Variants in SHLD2 observed in about 807,000 individuals in gnomAD.
SHLD2 encodes the protein shieldin complex subunit 2, also known as RINN1-REV7-interacting novel NHEJ regulator 2.
SHLD2 carries 30 observed loss-of-function variants against 73.2 expected under a neutral mutation model. The ratio of observed to expected loss-of-function variants is 0.41; its 90% confidence interval spans 0.31 to 0.56. The LOEUF is 0.56. SHLD2 is among the 20% of genes least tolerant of loss of function. The pLI, the probability that SHLD2 is intolerant of heterozygous loss-of-function variation, is 0.28. For missense variants in SHLD2, 745 were observed against 1,055.9 expected (o/e 0.71, Z 4.08); for synonymous variants, 285 against 370.1 (o/e 0.77, Z 2.64).
intron 8 of SHLD2, among the ~76,000 whole-genome samples, chr10:87,184,466 G>A (rs193008303): frequency 5.8e-4 from 88 of 152,010 alleles, no homozygotes; most frequent in African/African-American, 2.0e-3. Flanking sequence ...CTGCTGGTCT[G>A]GAATCACTCA....
chr10:87,152,102 C>G lies in SHLD2; in HGVS notation c.748C>G (p.Gln250Glu). 6.2e-7 allele frequency: 1 copy of G among 1,611,892 alleles called. No homozygotes were observed. The highest frequency in any genetic ancestry group is 8.5e-7 in the Non-Finnish European group (1 of 1,179,810). Residue 250 changes from glutamine (Q) to glutamate (E), a missense_variant, in exon 3 of 10, where the codon CAG becomes GAG. Transcript: ENST00000298786. ...TEFLSIITSS[Q>E]VAFLAQKKDK... is the part of the protein sequence containing the mutation. ...ATTTCTCAGTATAATTACCTCCAGC[C>G]AGGTTGCTTTTTTAGCTCAAAAGAA...
intron 2 of SHLD2, among the ~76,000 whole-genome samples, chr10:87,146,437 G>A (rs1317682695): frequency 6.6e-6 from 1 of 151,988 alleles, no homozygotes; most frequent in African/African-American, 2.4e-5. Context: ...GGGATTACAG[G>A]TGTGTGCCAT....
chr10:87,102,937 C>T (rs1266465098), intron 2 of SHLD2, among the ~76,000 whole-genome samples: 3 of 151,826 alleles, frequency 2.0e-5, no homozygotes, highest in Non-Finnish European at 2.9e-5. Context: ...TCTGGCTGGG[C>T]GTGGTGGCTC....
intron 2 of SHLD2, among the ~76,000 whole-genome samples, chr10:87,105,750 C>T (rs1242471303): frequency 4.6e-5 from 7 of 152,192 alleles, no homozygotes; most frequent in Admixed American, 3.3e-4. Context: ...TCACATGTAG[C>T]CATAACTAAG....
intron 8 of SHLD2, among the ~76,000 whole-genome samples, chr10:87,182,260 A>G (rs907365548): frequency 6.6e-6 from 1 of 152,230 alleles, no homozygotes; most frequent in African/African-American, 2.4e-5. Flanking sequence ...ATTTATTAGG[A>G]ATCCACGTAT....
intron 2 of SHLD2, among the ~76,000 whole-genome samples, chr10:87,113,312 G>A (rs950977531): frequency 1.2e-4 from 19 of 152,120 alleles, no homozygotes; most frequent in Non-Finnish European, 2.4e-4. Flanking sequence ...CAATAAGAGC[G>A]AAACTTTGTC....
intron 8 of SHLD2, among the ~76,000 whole-genome samples, chr10:87,185,013 C>G (rs567357088): frequency 6.6e-6 from 1 of 152,136 alleles, no homozygotes; most frequent in African/African-American, 2.4e-5. Context: ...ATCACCACAA[C>G]CAGTTAGGAC....
At chr10:87,183,101 G>A (rs1216182752) in intron 8 of SHLD2, among the ~76,000 whole-genome samples, 2 of 152,236 alleles carry the variant, frequency 1.3e-5, no homozygotes, top group Non-Finnish European at 2.9e-5. Context: ...GATGATGGTG[G>A]CTTGACTAGA....
chr10:87,176,214 C>G, intron 7 of SHLD2, 119 bp downstream of exon 7: 1 of 1,296,286 alleles, frequency 7.7e-7, no homozygotes, highest in South Asian at 1.4e-5. Flanking sequence ...CTCCACCTCC[C>G]AGGTTTAAGT....
rs200905992 is a variant in SHLD2, at chr10:87,141,337, GTTTTTT to G, written c.-5-10001_-5-9996del. On this transcript the variant is annotated intron_variant, in intron 2 of 9. Coordinates refer to ENST00000298786, the MANE Select transcript of SHLD2 (RefSeq NM_001330112.2). Reference sequence around the variant, plus strand: ...GAAGAAATAAATTCTGGTGTTCGGTGTTTTTTTTTTTTTTTTTCTGAGATGGAGTTT... The same window carrying G: ...GAAGAAATAAATTCTGGTGTTCGGTGTTTTTTTTTTTCTGAGATGGAGTTT... 6.7e-3 allele frequency among the ~76,000 whole-genome samples: 903 copies of G among 135,720 alleles called. 11 individuals are homozygous for G. The highest frequency in any genetic ancestry group is 0.023 in the African/African-American group (863 of 37,052). 89.0% of individuals were successfully genotyped at this position (135,720 alleles called of 152,430 possible). A position where few individuals can be genotyped will look rare whatever the true frequency, so the allele number is the denominator to read the frequency against.
At chr10:87,113,016 T>A (rs1843025341) in intron 2 of SHLD2, among the ~76,000 whole-genome samples, 1 of 152,138 alleles carries the variant, frequency 6.6e-6, no homozygotes, top group Non-Finnish European at 1.5e-5. Flanking sequence ...GTAGATCAGC[T>A]GATGAATGGA....
At chr10:87,109,495 C>T (rs555825652) in intron 2 of SHLD2, among the ~76,000 whole-genome samples, 3 of 152,186 alleles carry the variant, frequency 2.0e-5, no homozygotes, top group Admixed American at 6.5e-5. Flanking sequence ...GACAGTGTTT[C>T]GCCATGTTGG....
At chr10:87,106,920 T>C (rs1038145851) in intron 2 of SHLD2, among the ~76,000 whole-genome samples, 1 of 152,166 alleles carries the variant, frequency 6.6e-6, no homozygotes, top group African/African-American at 2.4e-5. Flanking sequence ...TGAGACTATT[T>C]TGAAGATACA....
At chr10:87,132,513 A>G (rs1180178723) in intron 2 of SHLD2, among the ~76,000 whole-genome samples, 1 of 152,170 alleles carries the variant, frequency 6.6e-6, no homozygotes. Flanking sequence ...AGTGGCTCAC[A>G]TCTATAATCC....
chr10:87,096,035 A>G lies in SHLD2; in HGVS notation c.-62+787A>G, dbSNP rs114839557. 7.7e-3 allele frequency among the ~76,000 whole-genome samples: 1,170 copies of G among 152,256 alleles called. 17 individuals are homozygous for G. The highest frequency in any genetic ancestry group is 0.027 in the African/African-American group (1,125 of 41,554). ...TGTTAAATGGTTCAGTATATGATTT[A>G]TTTTTTATTTTATTTATTTATTTGA... is the stretch of plus-strand genomic sequence containing the variant. On this transcript the variant is annotated intron_variant, in intron 1 of 9. Coordinates refer to ENST00000298786, the MANE Select transcript of SHLD2 (RefSeq NM_001330112.2).
intron 2 of SHLD2, among the ~76,000 whole-genome samples, chr10:87,130,152 T>C (rs1336454894): frequency 6.6e-6 from 1 of 152,178 alleles, no homozygotes; most frequent in Non-Finnish European, 1.5e-5. Flanking sequence ...GTTATGCCTC[T>C]AAAAGCTGAT....
intron 2 of SHLD2, among the ~76,000 whole-genome samples, chr10:87,117,820 G>A (rs4083507): frequency 6.6e-5 from 10 of 152,128 alleles, no homozygotes; most frequent in African/African-American, 2.4e-4. Flanking sequence ...ACAAAAAACA[G>A]CATTTTATTT....
At chr10:87,132,190 GAACTCATCTAT>G (rs1844476075) in intron 2 of SHLD2, among the ~76,000 whole-genome samples, 2 of 151,890 alleles carry the variant, frequency 1.3e-5, no homozygotes, top group Admixed American at 6.6e-5. Context: ...TTTGATCCTT[GAACTCATCTAT>G]ATTCTATGGT....
chr10:87,150,255 G>A (rs1845919172), intron 2 of SHLD2, among the ~76,000 whole-genome samples: 1 of 151,184 alleles, frequency 6.6e-6, no homozygotes, highest in African/African-American at 2.4e-5. Flanking sequence ...AGTAGAGATG[G>A]GGTTTTGCCA....
Sources: allele counts gnomAD v4.1 joint callset (sites outside exome capture counted in the v4.1 genomes callset), GRCh38; gene constraint gnomAD v4.1.1; transcripts MANE v1.5; gene names NCBI Gene and HGNC (gene_info 2026-07-23, HGNC 2026-07-21).